Variants in TARS3 observed in about 807,000 individuals in gnomAD.
The protein encoded by TARS3 is threonine--tRNA ligase 2, cytoplasmic.
Under a neutral mutation model 103.5 loss-of-function variants are expected in TARS3, and 94 were observed. That is an observed-to-expected ratio of 0.91 (90% confidence interval 0.77 to 1.08). TARS3 has a LOEUF of 1.08. Among genes scored for constraint, TARS3 ranks in the 50% least tolerant of loss-of-function variants. TARS3 has a pLI of 0.00. For synonymous variants in TARS3, 416 were observed against 355.4 expected (o/e 1.17, Z -1.92); for missense variants, 952 against 995.2 (o/e 0.96, Z 0.58).
intron 8 of TARS3, among the ~76,000 whole-genome samples, chr15:101,702,971 A>G (rs1193884677): frequency 2.0e-5 from 3 of 152,208 alleles, no homozygotes; most frequent in Non-Finnish European, 4.4e-5. Context: ...AGCAGCAATC[A>G]TAATCACCAA....
At chr15:101,703,509 G>C (rs1216147622) in intron 8 of TARS3, among the ~76,000 whole-genome samples, 1 of 152,082 alleles carries the variant, frequency 6.6e-6, no homozygotes, top group Non-Finnish European at 1.5e-5. Context: ...AGAATCGCTT[G>C]AACCCAGGAG....
chr15:101,709,824 T>C (rs1167741125), intron 5 of TARS3, among the ~76,000 whole-genome samples: 1 of 152,246 alleles, frequency 6.6e-6, no homozygotes, highest in African/African-American at 2.4e-5. Flanking sequence ...GAACGGGATG[T>C]GATACTGTGA....
At chr15:101,666,213 G>A (rs1350528281) in intron 15 of TARS3, among the ~76,000 whole-genome samples, 3 of 152,128 alleles carry the variant, frequency 2.0e-5, no homozygotes, top group Non-Finnish European at 4.4e-5. Flanking sequence ...GTCAGGATCG[G>A]TGGCTCACGC....
At chr15:101,662,980 T>G (rs1336054839) in intron 15 of TARS3, among the ~76,000 whole-genome samples, 2 of 152,222 alleles carry the variant, frequency 1.3e-5, no homozygotes, top group Non-Finnish European at 2.9e-5. Flanking sequence ...ATAGATAAAT[T>G]TGAAGAGAAT....
At chr15:101,712,369 G>A (rs1193447992) in intron 4 of TARS3, among the ~76,000 whole-genome samples, 2 of 152,184 alleles carry the variant, frequency 1.3e-5, no homozygotes, top group African/African-American at 2.4e-5. Flanking sequence ...GAGGAAGGCC[G>A]AGGAGTGCCA....
intron 12 of TARS3, among the ~76,000 whole-genome samples, chr15:101,681,440 T>G (rs151112407): frequency 6.6e-6 from 1 of 152,232 alleles, no homozygotes; most frequent in Non-Finnish European, 1.5e-5. Flanking sequence ...AGGCCTTCTT[T>G]AAATTTATCT....
At chr15:101,701,625 C>T (rs1038089431) in intron 9 of TARS3, among the ~76,000 whole-genome samples, 2 of 152,190 alleles carry the variant, frequency 1.3e-5, no homozygotes, top group South Asian at 2.1e-4. Flanking sequence ...GACAAGGACA[C>T]GGAGCTTGCC....
chr15:101,665,432 A>G (rs1335045221), intron 15 of TARS3, among the ~76,000 whole-genome samples: 1 of 152,236 alleles, frequency 6.6e-6, no homozygotes, highest in Non-Finnish European at 1.5e-5. Context: ...CCCCAAACTA[A>G]GCAGTTCATC....
At chr15:101,689,777 G>A (rs1375759332) in intron 10 of TARS3, among the ~76,000 whole-genome samples, 1 of 152,158 alleles carries the variant, frequency 6.6e-6, no homozygotes, top group Non-Finnish European at 1.5e-5. Flanking sequence ...AATTTCTGTT[G>A]TTTTAAGTCA....
At chr15:101,655,588 A>T (rs1897171058) in intron 18 of TARS3, among the ~76,000 whole-genome samples, 2 of 141,702 alleles carry the variant, frequency 1.4e-5, no homozygotes, top group African/African-American at 5.5e-5. Context: ...ACTAGGGCGC[A>T]AATGAGAGCG....
At chr15:101,723,759 C>T (rs1900610525) in intron 1 of TARS3, among the ~76,000 whole-genome samples, 1 of 152,166 alleles carries the variant, frequency 6.6e-6, no homozygotes, top group Non-Finnish European at 1.5e-5. Context: ...GTCTTTCTGA[C>T]CAAGGAAAGA....
chr15:101,699,758 A>G (rs1899164862), intron 10 of TARS3, among the ~76,000 whole-genome samples: 1 of 152,050 alleles, frequency 6.6e-6, no homozygotes, highest in Non-Finnish European at 1.5e-5. Flanking sequence ...ACAGCACAAG[A>G]AGAAAAAGAC....
intron 10 of TARS3, among the ~76,000 whole-genome samples, chr15:101,699,694 CT>C (rs1289108951): frequency 6.6e-6 from 1 of 152,182 alleles, no homozygotes; most frequent in African/African-American, 2.4e-5. Context: ...CCAGTCCCTA[CT>C]GGAAGATGTG....
rs774716622 is a variant in TARS3, at chr15:101,721,228, T to G, written c.464A>C (p.Lys155Thr). ...TGTGATGATGTTGCTTGTATCCCCC[T>G]TTTTTCCATAAATGGCAAGTAAGAG... ...HQLLLAIYGK[K>T]GDTSNIITVR... The change falls in exon 3 of 19, where the codon AAG (lysine) becomes ACG (threonine). Residue 155 changes from lysine to threonine, a missense_variant. This residue lies in a region of TARS3 where 412 missense variants were observed against 364.2 expected (regional missense o/e 1.13). Coordinates refer to ENST00000335968, the MANE Select transcript of TARS3 (RefSeq NM_152334.3). 9 of 1,613,574 alleles carry G rather than the reference T, an allele frequency of 5.6e-6. No homozygotes were observed. Among genetic ancestry groups the G allele is most frequent in the Admixed American group, 3.3e-5 (2 of 60,022 alleles).
intron 7 of TARS3, among the ~76,000 whole-genome samples, chr15:101,704,526 G>C (rs1899448295): frequency 6.6e-6 from 1 of 151,708 alleles, no homozygotes; most frequent in Non-Finnish European, 1.5e-5. Flanking sequence ...GTGGTGGTGG[G>C]CGCCTGTAAT....
At chr15:101,683,670 G>T (rs1218558224) in intron 12 of TARS3, among the ~76,000 whole-genome samples, 2 of 152,162 alleles carry the variant, frequency 1.3e-5, no homozygotes, top group Non-Finnish European at 1.5e-5. Flanking sequence ...TGAAACCAAA[G>T]AATGTATATT....
intron 8 of TARS3, among the ~76,000 whole-genome samples, chr15:101,703,527 T>C (rs1044026137): frequency 6.6e-6 from 1 of 151,860 alleles, no homozygotes; most frequent in African/African-American, 2.4e-5. Flanking sequence ...GAGGCGGAGA[T>C]TGCAGTGAGC....
At chr15:101,678,999 T>A (rs567387952) in intron 12 of TARS3, among the ~76,000 whole-genome samples, 66 of 152,366 alleles carry the variant, frequency 4.3e-4, no homozygotes, top group African/African-American at 1.6e-3. Context: ...TTTTGTTTTT[T>A]AATGAGAAAT....
chr15:101,657,185 G>A lies in TARS3; in HGVS notation c.2146-149C>T, dbSNP rs997174648. On this transcript the variant is annotated intron_variant, in intron 17 of 18. Coordinates refer to ENST00000335968, the MANE Select transcript of TARS3 (RefSeq NM_152334.3). ...GTCTGCGTGACCATAAAGAAGTGCGGAAGTGTCGGCGCATCGTTTCTGAGA... is the reference window on the plus strand; with the variant it reads ...GTCTGCGTGACCATAAAGAAGTGCGAAAGTGTCGGCGCATCGTTTCTGAGA... The A allele has an allele frequency of 5.4e-6, 3 of 557,186 alleles. No homozygotes were observed. In the African/African-American group the frequency reaches 5.7e-5, roughly 11 times the overall value. The allele number at this position is 557,186 out of a possible 1,614,324, so 34.5% of individuals were successfully genotyped here.
Sources: allele counts gnomAD v4.1 joint callset (sites outside exome capture counted in the v4.1 genomes callset), GRCh38; gene constraint gnomAD v4.1.1; regional missense constraint gnomAD v4.1.1; transcripts MANE v1.5; gene names NCBI Gene and HGNC (gene_info 2026-07-23, HGNC 2026-07-21).